The following EVA1C variants were observed in gnomAD, a reference collection of about 807,000 sequenced individuals.
The protein encoded by EVA1C is protein eva-1 homolog C.
A neutral mutation model predicts 45.4 loss-of-function variants in EVA1C; 25 were observed. The observed-to-expected ratio is 0.55, with a 90% CI of 0.40 to 0.77. EVA1C has a LOEUF of 0.77. Ranked by LOEUF, EVA1C falls within the 30% of genes least tolerant of loss-of-function variation. The pLI, the probability that EVA1C is intolerant of heterozygous loss-of-function variation, is 0.00. For missense variants in EVA1C, 479 were observed against 554.8 expected, an observed-to-expected ratio of 0.86 and a Z score of 1.37; for synonymous variants, 190 against 221.2, an observed-to-expected ratio of 0.86 and a Z score of 1.25.
intron 4 of EVA1C, among the ~76,000 whole-genome samples, chr21:32,469,239 C>G (rs1000372037): frequency 7.2e-5 from 11 of 152,102 alleles, no homozygotes; most frequent in Admixed American, 7.2e-4. Flanking sequence ...TGTCATATGT[C>G]AGGTGCAGAT....
At chr21:32,480,552 C>T (rs2036742995) in intron 4 of EVA1C, among the ~76,000 whole-genome samples, 1 of 152,070 alleles carries the variant, frequency 6.6e-6, no homozygotes, top group Non-Finnish European at 1.5e-5. Context: ...AGCATAGTCC[C>T]AGCTACTCGG....
intron 4 of EVA1C, among the ~76,000 whole-genome samples, chr21:32,485,355 G>A (rs1242640474): frequency 3.3e-5 from 5 of 152,150 alleles, no homozygotes; most frequent in Admixed American, 3.3e-4. Context: ...TTTTAGTAGA[G>A]GTGAGGTTTC....
At position 32,488,229 on chromosome 21, in the gene EVA1C, AAGAAAGACATAAAAATTTAGATAAATTGT is replaced by A. The variant is rs535760674; in HGVS notation, c.635-6795_635-6767del. ...AAAGGACCTGAATAGACATTTCTCC[AAGAAAGACATAAAAATTTAGATAAATTGT>A]AGGACACACAGTTGGTATTTTCAGG... On this transcript the variant is annotated intron_variant, in intron 4 of 7. Transcript: ENST00000300255. Among the ~76,000 whole-genome samples the A allele has an allele frequency of 3.0e-4, 45 of 152,372 alleles. No individual in the cohort carries two copies. In the East Asian group the frequency reaches 8.3e-3, roughly 28 times the overall value.
rs2036517178 is a variant in EVA1C, at chr21:32,475,367, CATT to C, written c.634+7520_634+7522del. On this transcript the variant is annotated intron_variant, in intron 4 of 7. Transcript: ENST00000300255. ...TCATCATCATCATCATCATCATCAT[CATT>C]TTTATTGTTCTGCACAAACACCATC... 4.7e-5 allele frequency among the ~76,000 whole-genome samples: 7 copies of C among 148,614 alleles called. No individual in the cohort carries two copies. The South Asian group carries it at 1.5e-3, about 31-fold the overall frequency.
intron 7 of EVA1C, among the ~76,000 whole-genome samples, chr21:32,506,453 A>G (rs2037724891): frequency 6.6e-6 from 1 of 151,812 alleles, no homozygotes; most frequent in African/African-American, 2.4e-5. Context: ...GGTGACATTT[A>G]TCTTAGCAAA....
At chr21:32,461,754 C>T (rs9982647) in intron 3 of EVA1C, among the ~76,000 whole-genome samples, 6,999 of 152,248 alleles carry the variant, frequency 0.046, 227 homozygotes, top group African/African-American at 0.081. Flanking sequence ...CAAGGCTCAC[C>T]GGAACCTTCT....
rs558010755 is a variant in EVA1C at position 32,421,153 on chromosome 21, T to C, written c.160+8140T>C. On this transcript the variant is annotated intron_variant, in intron 1 of 7. Coordinates refer to ENST00000300255, the MANE Select transcript of EVA1C (RefSeq NM_058187.5). Reference sequence around the variant, plus strand: ...AAAATATAAGAAAAATCTTTTAATGTATAAATGAGTGGTGAGGAAACAAAA... The same window carrying C: ...AAAATATAAGAAAAATCTTTTAATGCATAAATGAGTGGTGAGGAAACAAAA... 1.9e-4 allele frequency among the ~76,000 whole-genome samples: 15 copies of C among 77,706 alleles called. 2 individuals are homozygous for C. In the South Asian group the frequency reaches 6.1e-3, roughly 32 times the overall value. The allele number at this position is 77,706 out of a possible 152,430, so 51.0% of individuals were successfully genotyped here.
intron 4 of EVA1C, among the ~76,000 whole-genome samples, chr21:32,470,466 A>G (rs2036329380): frequency 6.6e-6 from 1 of 152,196 alleles, no homozygotes; most frequent in Admixed American, 6.5e-5. Flanking sequence ...CAGCAGCCAA[A>G]TGGGGCAGAG....
Position 32,461,560 on chromosome 21 carries a change from G to A in EVA1C, c.481+3840G>A, listed in dbSNP as rs531352792. Among the ~76,000 whole-genome samples, 68 of 152,322 alleles carry A rather than the reference G, an allele frequency of 4.5e-4. 1 individual carries two copies. The South Asian group carries it at 0.014, about 31-fold the overall frequency. On this transcript the variant is annotated intron_variant, in intron 3 of 7. Coordinates refer to ENST00000300255, the MANE Select transcript of EVA1C (RefSeq NM_058187.5). ...AGGACACTGTGATTGTCCAAAGGCT[G>A]CACTGCTGCACCCTGTGGTGTGCAG...
At chr21:32,484,140 C>T (rs1002041975) in intron 4 of EVA1C, among the ~76,000 whole-genome samples, 8 of 152,170 alleles carry the variant, frequency 5.3e-5, no homozygotes, top group Admixed American at 2.0e-4. Context: ...ACATGAGCTT[C>T]CTACTTTCCT....
At chr21:32,482,577 TG>T (rs1313341353) in intron 4 of EVA1C, among the ~76,000 whole-genome samples, 1 of 152,178 alleles carries the variant, frequency 6.6e-6, no homozygotes, top group Non-Finnish European at 1.5e-5. Context: ...AATTTGATGT[TG>T]GTGCTCTTGC....
intron 1 of EVA1C, chr21:32,433,125 G>C (rs1269464337): frequency 7.9e-5 from 12 of 152,190 alleles, no homozygotes; most frequent in Non-Finnish European, 1.6e-4. Flanking sequence ...GGTAACTCCT[G>C]CTGTTTATCT....
At chr21:32,512,600 T>C (rs1348147621) in intron 7 of EVA1C, among the ~76,000 whole-genome samples, 1 of 152,168 alleles carries the variant, frequency 6.6e-6, no homozygotes, top group East Asian at 1.9e-4. Context: ...ATGACCATTG[T>C]ACCTCAGAGG....
chr21:32,495,950 A>T (rs1278985506), intron 5 of EVA1C, among the ~76,000 whole-genome samples: 5 of 152,202 alleles, frequency 3.3e-5, no homozygotes, highest in African/African-American at 1.2e-4. Context: ...CCCCTGCCAA[A>T]CATTCCTAGC....
Position 32,413,022 on chromosome 21 carries a change from G to A in EVA1C, c.160+9G>A, listed in dbSNP as rs1601179222. ...GCTCACCGACTTCTCTGGTAAGAGC[G>A]CCCTCCCTGGCTGTGTGCCCCCGGC... On this transcript the variant is annotated intron_variant, in intron 1 of 7. Transcript: ENST00000300255. 2 of 1,396,470 alleles carry A rather than the reference G, an allele frequency of 1.4e-6. No homozygotes were observed. The highest frequency in any genetic ancestry group is 2.9e-5 in the East Asian group (1 of 34,840). 86.5% of individuals were successfully genotyped at this position (1,396,470 alleles called of 1,614,324 possible).
intron 1 of EVA1C, among the ~76,000 whole-genome samples, chr21:32,451,652 C>T (rs547308704): frequency 1.2e-4 from 18 of 152,324 alleles, no homozygotes; most frequent in African/African-American, 4.3e-4. Context: ...CAGGGCTGTG[C>T]TGCCTTTGAA....
At chr21:32,439,484 C>T (rs1038981035) in intron 1 of EVA1C, among the ~76,000 whole-genome samples, 8 of 152,144 alleles carry the variant, frequency 5.3e-5, no homozygotes, top group Admixed American at 2.0e-4. Context: ...ACTGTCAACC[C>T]GGCCTCCTGT....
intron 4 of EVA1C, among the ~76,000 whole-genome samples, chr21:32,481,436 G>T (rs1457857559): frequency 7.6e-6 from 1 of 132,078 alleles, no homozygotes; most frequent in African/African-American, 2.9e-5. Context: ...AATGTGCTCA[G>T]CTCAAAACCC....
upstream of EVA1C, chr21:32,412,697 C>A (rs920382303): frequency 3.0e-6 from 2 of 674,282 alleles, no homozygotes; most frequent in Non-Finnish European, 4.3e-6. Context: ...TGGGCTGGCC[C>A]GCGCAGGGGA....
Sources: gnomAD v4.1 joint callset for allele counts (sites outside exome capture counted in the v4.1 genomes callset) on GRCh38, gnomAD v4.1.1 for gene constraint, MANE v1.5 for transcripts, NCBI Gene and HGNC (gene_info 2026-07-23, HGNC 2026-07-21) for gene names.